The following CACNA2D4 variants were observed in gnomAD, a reference collection of about 807,000 sequenced individuals.
The protein encoded by CACNA2D4 is calcium voltage-gated channel auxiliary subunit alpha2delta 4.
A neutral mutation model predicts 163.8 loss-of-function variants in CACNA2D4; 157 were observed. The ratio of observed to expected loss-of-function variants is 0.96; its 90% confidence interval spans 0.84 to 1.09. CACNA2D4 has a LOEUF of 1.09. Ranked by LOEUF, CACNA2D4 falls within the 50% of genes least tolerant of loss-of-function variation. The pLI is 0.00. For synonymous variants in CACNA2D4, 598 were observed against 586.9 expected (o/e 1.02, Z -0.27); for missense variants, 1,410 against 1,479.9 (o/e 0.95, Z 0.78).
At position 1,829,883 on chromosome 12, in the gene CACNA2D4, GA is replaced by G. The variant is rs1427370586; in HGVS notation, c.2551+10855del. 6.6e-6 allele frequency among the ~76,000 whole-genome samples: 1 copy of G among 152,094 alleles called. No homozygotes were observed. The highest frequency in any genetic ancestry group is 1.9e-4 in the East Asian group (1 of 5,170). ...TGAATTCTTCCCAGTTCTCTTTCAC[GA>G]TGAGCAGGCTTCTCTGCTACTCAGG... On this transcript the variant is annotated intron_variant, in intron 26 of 37. Transcript: ENST00000382722. This position sits in a 1 kb window ranked among gnomAD's most constrained non-coding sequence, Gnocchi z 4.2.
intron 20 of CACNA2D4, among the ~76,000 whole-genome samples, chr12:1,856,857 C>T (rs1285654602): frequency 6.6e-6 from 1 of 152,158 alleles, no homozygotes; most frequent in Non-Finnish European, 1.5e-5. Context: ...GAGGGTAAGT[C>T]CAAGGAGGGG....
At chr12:1,807,162 G>T (rs530673315) in intron 29 of CACNA2D4, among the ~76,000 whole-genome samples, 3 of 152,024 alleles carry the variant, frequency 2.0e-5, no homozygotes. Flanking sequence ...ACCTTGGTTT[G>T]CTCGGTCTGA....
intron 2 of CACNA2D4, 26 bp from the exon 3 acceptor site, chr12:1,913,165 C>T (rs372948607): frequency 2.3e-5 from 34 of 1,502,372 alleles, no homozygotes; most frequent in Admixed American, 3.4e-5. Context: ...GGGAGAGATG[C>T]GTGCATGTGG....
chr12:1,827,277 G>A (rs34423523), intron 26 of CACNA2D4: 3 of 45,130 alleles, frequency 6.6e-5, no homozygotes, highest in Non-Finnish European at 1.2e-4. Context: ...GGAGACACTG[G>A]GGGGGGCAGA....
At chr12:1,860,006 G>T in intron 19 of CACNA2D4, 139 bp downstream of exon 19, 1 of 662,344 alleles carries the variant, frequency 1.5e-6, no homozygotes, top group Non-Finnish European at 2.7e-6. Flanking sequence ...GGCTACACTG[G>T]CAAAGCAGGT....
chr12:1,864,359 C>T (rs1865594827), intron 18 of CACNA2D4, among the ~76,000 whole-genome samples: 1 of 152,150 alleles, frequency 6.6e-6, no homozygotes, highest in Admixed American at 6.5e-5. Flanking sequence ...TTGGTAAATA[C>T]GAATGTTTAA....
chr12:1,833,599 T>C lies in CACNA2D4; in HGVS notation c.2551+7140A>G, dbSNP rs576733699. On this transcript the variant is annotated intron_variant, in intron 26 of 37. Coordinates refer to ENST00000382722, the MANE Select transcript of CACNA2D4 (RefSeq NM_172364.5). The surrounding 1 kb of genome is among the most constrained non-coding windows in gnomAD (Gnocchi z 4.2). ...TGCCTTTGTACTTACAGGGCTGTGG[T>C]TGGGGCACCGATGGGGCCATTGGAT... Among the ~76,000 whole-genome samples the C allele has an allele frequency of 5.3e-5, 8 of 152,218 alleles. No individual in the cohort carries two copies. The highest frequency in any genetic ancestry group is 1.9e-4 in the African/African-American group (8 of 41,526).
chr12:1,841,586 G>T (rs1865026316), intron 25 of CACNA2D4, among the ~76,000 whole-genome samples: 1 of 152,240 alleles, frequency 6.6e-6, no homozygotes, highest in African/African-American at 2.4e-5. Flanking sequence ...ATTCTCATCA[G>T]TCCTTGGCCC....
rs142316856 is a variant in CACNA2D4 at position 1,883,596 on chromosome 12, A to G, written c.1352-596T>C. Among the ~76,000 whole-genome samples the G allele has an allele frequency of 2.0e-5, 3 of 151,870 alleles. No homozygotes were observed. Among genetic ancestry groups the G allele is most frequent in the African/African-American group, 7.3e-5 (3 of 41,338 alleles). ...ATCCCCCTCGCCAGTGAGATGCAGC[A>G]CCTCTCTGCTCCCAGCAGGTCTCAG... On this transcript the variant is annotated intron_variant, in intron 12 of 37. Coordinates refer to ENST00000382722, the MANE Select transcript of CACNA2D4 (RefSeq NM_172364.5). This position sits in a 1 kb window ranked among gnomAD's most constrained non-coding sequence, Gnocchi z 4.5.
intron 26 of CACNA2D4, among the ~76,000 whole-genome samples, chr12:1,822,995 T>C (rs1421909700): frequency 6.6e-6 from 1 of 152,184 alleles, no homozygotes; most frequent in Non-Finnish European, 1.5e-5. Context: ...GCTCTGCTTC[T>C]CTCTGGCCTT....
At chr12:1,850,807 A>G (rs145143436) in intron 23 of CACNA2D4, among the ~76,000 whole-genome samples, 23,900 of 151,330 alleles carry the variant, frequency 0.16, 2,459 homozygotes, top group East Asian at 0.42. Context: ...CCAGCTACTC[A>G]GGAGGCTGAG....
intron 26 of CACNA2D4, among the ~76,000 whole-genome samples, chr12:1,818,330 G>T (rs11609910): frequency 0.085 from 12,931 of 151,762 alleles, 790 homozygotes; most frequent in Non-Finnish European, 0.13. Flanking sequence ...GAATAGAAAG[G>T]CGGGAAAGGT....
chr12:1,837,617 C>T (rs1864911062), intron 26 of CACNA2D4, among the ~76,000 whole-genome samples: 1 of 152,118 alleles, frequency 6.6e-6, no homozygotes, highest in African/African-American at 2.4e-5. Context: ...TGGATAACAA[C>T]CCAGCGAGCC....
chr12:1,829,292 T>C lies in CACNA2D4; in HGVS notation c.2551+11447A>G, dbSNP rs1301982206. On this transcript the variant is annotated intron_variant, in intron 26 of 37. Coordinates refer to ENST00000382722, the MANE Select transcript of CACNA2D4 (RefSeq NM_172364.5). The surrounding 1 kb of genome is among the most constrained non-coding windows in gnomAD (Gnocchi z 4.2). The stretch of plus-strand genomic sequence containing the variant: ...TGAGAGGGAGCTGAATGCGTTGGAT[T>C]TTATTTCCTGGGGAAAGTCAAGTCT... Among the ~76,000 whole-genome samples, 4 of 152,120 alleles carry C rather than the reference T, an allele frequency of 2.6e-5. No homozygotes were observed. Among genetic ancestry groups the C allele is most frequent in the Non-Finnish European group, 4.4e-5 (3 of 68,024 alleles).
rs1332589482 is a variant in CACNA2D4 at position 1,801,085 on chromosome 12, T to C, written c.2826A>G (p.Lys942=). ...CTGCACTGTGGTGGTGACTCGAGGG[T>C]TTGCACATGGCCTGATAGTCATACA... The part of the protein sequence containing the change: ...VTMYDYQAMC[K]PSSHHHSAAQ... Residue 942 remains lysine, a synonymous_variant, in exon 31 of 38, where the codon AAA becomes AAG. Coordinates refer to ENST00000382722, the MANE Select transcript of CACNA2D4 (RefSeq NM_172364.5). 5.6e-6 allele frequency: 9 copies of C among 1,613,620 alleles called. No homozygotes were observed. In the South Asian group the frequency reaches 7.7e-5, roughly 14 times the overall value.
rs1037715724 is a variant in CACNA2D4, at chr12:1,800,496, C to G, written c.2869-58G>C. 3.2e-5 allele frequency: 49 copies of G among 1,544,988 alleles called. No individual in the cohort carries two copies. The Middle Eastern group carries it at 8.4e-4, about 27-fold the overall frequency. The stretch of plus-strand genomic sequence containing the variant: ...TAGGTCCAAGGGTGAGGGTGCCCCC[C>G]CCCCACCACCAGCACCACCCTCAGA... On this transcript the variant is annotated intron_variant, in intron 31 of 37. Transcript: ENST00000382722.
At chr12:1,795,158 G>A (rs1431369175) in intron 37 of CACNA2D4, 141 bp downstream of exon 37, 6 of 664,036 alleles carry the variant, frequency 9.0e-6, no homozygotes, top group African/African-American at 1.8e-5. Context: ...GGGCATAAAC[G>A]CGAATGTTTC....
At position 1,840,720 on chromosome 12, in the gene CACNA2D4, C is replaced by A; in HGVS notation, c.2551+19G>T. The A allele has an allele frequency of 6.2e-7, 1 of 1,609,700 alleles. No homozygotes were observed. Among genetic ancestry groups the A allele is most frequent in the Non-Finnish European group, 8.5e-7 (1 of 1,176,246 alleles). On this transcript the variant is annotated intron_variant, in intron 26 of 37. Transcript: ENST00000382722. Reference sequence around the variant, plus strand: ...TGTCCCCAGCTTCCTGGCCTCAACACCACAAGGGCCGTTCCTACCTGCAGC... The same window carrying A: ...TGTCCCCAGCTTCCTGGCCTCAACAACACAAGGGCCGTTCCTACCTGCAGC...
Position 1,800,242 on chromosome 12 carries a change from A to C in CACNA2D4, c.2921+144T>G. The C allele has an allele frequency of 4.1e-6, 4 of 986,618 alleles. No homozygotes were observed. The South Asian group carries it at 5.7e-5, about 14-fold the overall frequency. The allele number at this position is 986,618 out of a possible 1,614,324, so 61.1% of individuals were successfully genotyped here. On this transcript the variant is annotated intron_variant, in intron 32 of 37. Transcript: ENST00000382722. Reference sequence around the variant, plus strand: ...AGCATGCAGGGAAGAGGTGGCGTCCATGCCCAGGGATTGTGCCCTCCTTCC... The same window carrying C: ...AGCATGCAGGGAAGAGGTGGCGTCCCTGCCCAGGGATTGTGCCCTCCTTCC...
Sources: gnomAD v4.1 joint callset for allele counts (sites outside exome capture counted in the v4.1 genomes callset) on GRCh38, gnomAD v4.1.1 for gene constraint, Gnocchi (gnomAD v3.1) non-coding constraint, MANE v1.5 for transcripts, NCBI Gene and HGNC (gene_info 2026-07-23, HGNC 2026-07-21) for gene names.